The following TCF7L1 variants were observed in gnomAD, a reference collection of about 807,000 sequenced individuals.
TCF7L1 encodes the protein transcription factor 7 like 1.
A neutral mutation model predicts 63.7 loss-of-function variants in TCF7L1; 18 were observed. That is an observed-to-expected ratio of 0.28 (90% CI 0.20 to 0.42). The LOEUF is 0.42. Among genes scored for constraint, TCF7L1 ranks in the 10% least tolerant of loss-of-function variants. TCF7L1 has a pLI of 1.00. For missense variants in TCF7L1, 654 were observed against 779.3 expected, an observed-to-expected ratio of 0.84 and a Z score of 1.91; for synonymous variants, 355 against 340.9, an observed-to-expected ratio of 1.04 and a Z score of -0.46.
At chr2:85,275,417 AAAAG>A (rs1025135508) in intron 3 of TCF7L1, among the ~76,000 whole-genome samples, 20 of 152,206 alleles carry the variant, frequency 1.3e-4, no homozygotes, top group African/African-American at 4.6e-4. Context: ...GATCATCCAC[AAAAG>A]AAAGAATCAT....
intron 3 of TCF7L1, among the ~76,000 whole-genome samples, chr2:85,165,155 TC>T (rs1211423422): frequency 6.6e-6 from 1 of 152,200 alleles, no homozygotes; most frequent in Non-Finnish European, 1.5e-5. Context: ...TGTTTCCTGT[TC>T]CCAGTCAGTG....
chr2:85,133,802 C>T lies in TCF7L1; in HGVS notation c.118C>T (p.Pro40Ser). 3 of 1,440,910 alleles carry T rather than the reference C, an allele frequency of 2.1e-6. No homozygotes were observed. Among genetic ancestry groups the T allele is most frequent in the Non-Finnish European group, 2.7e-6 (3 of 1,092,732 alleles). 89.3% of individuals were successfully genotyped at this position (1,440,910 alleles called of 1,614,324 possible). The stretch of plus-strand genomic sequence containing the variant: ...CCTCGGGGCGAACGACGAGCTGATC[C>T]CCTTCCAGGACGAGGGGGGCGAGGA... ...DDLGANDELI[P>S]FQDEGGEEQE... Residue 40 changes from proline to serine, a missense_variant, in exon 1 of 12, where the codon CCC (proline) becomes TCC (serine). Transcript: ENST00000282111. This position sits in a 1 kb window ranked among gnomAD's most constrained non-coding sequence, Gnocchi z 4.4.
chr2:85,297,545 G>T lies in TCF7L1; in HGVS notation c.526-4939G>T, dbSNP rs112119267. On this transcript the variant is annotated intron_variant, in intron 4 of 11. Transcript: ENST00000282111. ...CAAAATGTGAAAGTCATGCTCTCAG[G>T]CCAGGCGCAGTGCCTCACACCTGTA... Among the ~76,000 whole-genome samples, 677 of 152,270 alleles carry T rather than the reference G, an allele frequency of 4.4e-3. 5 individuals are homozygous for T. The highest frequency in any genetic ancestry group is 0.015 in the African/African-American group (633 of 41,552).
chr2:85,192,398 T>A (rs58064065), intron 3 of TCF7L1, among the ~76,000 whole-genome samples: 11,332 of 152,192 alleles, frequency 0.074, 1,424 homozygotes, highest in African/African-American at 0.26. Context: ...TTTATTTTTT[T>A]TTTATTTATT....
intron 3 of TCF7L1, among the ~76,000 whole-genome samples, chr2:85,246,828 T>C (rs1290517456): frequency 6.6e-6 from 1 of 152,236 alleles, no homozygotes; most frequent in African/African-American, 2.4e-5. Flanking sequence ...ACCCCCATGA[T>C]GGTTTTGACC....
rs774050758 is a variant in TCF7L1 at position 85,294,026 on chromosome 2, A to ATTTTTTTTTTTTTTTTTTTT, written c.526-8449_526-8430dup. On this transcript the variant is annotated intron_variant, in intron 4 of 11. Coordinates refer to ENST00000282111, the MANE Select transcript of TCF7L1 (RefSeq NM_031283.3). ...ATTTAGGTGTGGCCTGAACACTGGG[A>ATTTTTTTTTTTTTTTTTTTT]TTTTTTTTTTTTTTTTTTTTTTTTT... Among the ~76,000 whole-genome samples, 8 of 59,486 alleles carry ATTTTTTTTTTTTTTTTTTTT rather than the reference A, an allele frequency of 1.3e-4. 1 individual carries two copies. Among genetic ancestry groups the ATTTTTTTTTTTTTTTTTTTT allele is most frequent in the Non-Finnish European group, 1.5e-4 (5 of 32,616 alleles). The allele number at this position is 59,486 out of a possible 152,430, so 39.0% of individuals were successfully genotyped here.
At chr2:85,150,315 C>G (rs1677978853) in intron 3 of TCF7L1, among the ~76,000 whole-genome samples, 2 of 151,738 alleles carry the variant, frequency 1.3e-5, no homozygotes, top group South Asian at 4.2e-4. Context: ...CTCACTGCAA[C>G]CTCCACCTCC....
chr2:85,171,038 G>GA (rs200885962), intron 3 of TCF7L1, among the ~76,000 whole-genome samples: 1,987 of 152,102 alleles, frequency 0.013, 46 homozygotes, highest in African/African-American at 0.045. Context: ...AATTTATAAA[G>GA]AAAAAAAGGT....
chr2:85,240,126 G>A (rs1201151495), intron 3 of TCF7L1, among the ~76,000 whole-genome samples: 1 of 152,242 alleles, frequency 6.6e-6, no homozygotes, highest in East Asian at 1.9e-4. Context: ...TTCCGTGTGT[G>A]TTTCCTGTGG....
intron 3 of TCF7L1, among the ~76,000 whole-genome samples, chr2:85,218,641 G>GA (rs1679767253): frequency 7.1e-6 from 1 of 140,014 alleles, no homozygotes; most frequent in Admixed American, 7.1e-5. Flanking sequence ...TATTCCAATG[G>GA]GGGGGGGAAA....
intron 4 of TCF7L1, among the ~76,000 whole-genome samples, chr2:85,301,518 A>G (rs1238261032): frequency 6.6e-6 from 1 of 152,258 alleles, no homozygotes; most frequent in Non-Finnish European, 1.5e-5. Flanking sequence ...TGTAGAACGC[A>G]CAGGTTTTTC....
intron 3 of TCF7L1, among the ~76,000 whole-genome samples, chr2:85,241,200 T>C (rs1680311865): frequency 6.6e-6 from 1 of 152,164 alleles, no homozygotes; most frequent in African/African-American, 2.4e-5. Context: ...ACAGCATGTC[T>C]TTTGGAGCTC....
At chr2:85,210,315 C>A (rs1679513220) in intron 3 of TCF7L1, among the ~76,000 whole-genome samples, 1 of 152,226 alleles carries the variant, frequency 6.6e-6, no homozygotes, top group Admixed American at 6.5e-5. Context: ...GGGCCCAGCA[C>A]AGCTATGGCC....
chr2:85,229,144 A>G (rs2104309937), intron 3 of TCF7L1, among the ~76,000 whole-genome samples: 1 of 152,278 alleles, frequency 6.6e-6, no homozygotes, highest in African/African-American at 2.4e-5. Context: ...CAAGAGATTG[A>G]GACCATCCTG....
intron 3 of TCF7L1, among the ~76,000 whole-genome samples, chr2:85,236,954 A>G (rs952418751): frequency 2.6e-5 from 4 of 152,186 alleles, no homozygotes; most frequent in Non-Finnish European, 2.9e-5. Context: ...CTCAGACCCC[A>G]GGTCACTGTC....
At chr2:85,196,391 A>G (rs1679157457) in intron 3 of TCF7L1, among the ~76,000 whole-genome samples, 1 of 152,244 alleles carries the variant, frequency 6.6e-6, no homozygotes, top group South Asian at 2.1e-4. Flanking sequence ...CACTGCACCC[A>G]GCACATGTTA....
In TCF7L1 at chr2:85,305,372, G is replaced by C; in HGVS notation, c.958G>C (p.Ala320Pro). The C allele has an allele frequency of 4.3e-6, 7 of 1,613,268 alleles. No homozygotes were observed. In the African/African-American group the frequency reaches 5.3e-5, roughly 12 times the overall value. ...IVSPIVKQEP[A>P]PPSLSPAVSV... ...CTCCCCCATCGTCAAGCAGGAACCG[G>C]CACCCCCCAGCCTGAGCCCTGCAGT... The change falls in exon 8 of 12, where the codon GCA becomes CCA. Residue 320 changes from alanine (A) to proline (P), a missense_variant. Ala to Pro is a conservative substitution (Grantham distance 27). Around this residue, in one of 3 missense-constraint regions of TCF7L1, gnomAD observed 404 missense variants for 454.8 expected, o/e 0.89. Transcript: ENST00000282111.
At chr2:85,257,413 A>G (rs1308619996) in intron 3 of TCF7L1, among the ~76,000 whole-genome samples, 1 of 152,210 alleles carries the variant, frequency 6.6e-6, no homozygotes, top group Non-Finnish European at 1.5e-5. Context: ...CGGACTGCCC[A>G]CTGGAGTGGG....
At chr2:85,218,485 G>C (rs1679761490) in intron 3 of TCF7L1, among the ~76,000 whole-genome samples, 1 of 152,134 alleles carries the variant, frequency 6.6e-6, no homozygotes. Context: ...TGAACTCCTA[G>C]GTTCAAGGGA....
Sources: allele counts gnomAD v4.1 joint callset (sites outside exome capture counted in the v4.1 genomes callset), GRCh38; gene constraint gnomAD v4.1.1; regional missense constraint gnomAD v4.1.1; non-coding constraint Gnocchi (gnomAD v3.1); transcripts MANE v1.5; gene names NCBI Gene and HGNC (gene_info 2026-07-23, HGNC 2026-07-21).